EPHA2: variants seen among roughly 807,000 people sequenced by gnomAD.
The protein encoded by EPHA2 is ephrin type-A receptor 2.
Under a neutral mutation model 104.9 loss-of-function variants are expected in EPHA2, and 54 were observed. The ratio of observed to expected loss-of-function variants is 0.51; its 90% CI spans 0.41 to 0.65. The LOEUF (loss-of-function observed/expected upper bound fraction) is 0.65, where lower values mean the gene tolerates loss of function less well. EPHA2 is among the 30% of genes least tolerant of loss of function. The pLI, the probability that EPHA2 is intolerant of heterozygous loss-of-function variation, is 0.00. For missense variants in EPHA2, 1,117 were observed against 1,369.5 expected (o/e 0.82, Z 2.91); for synonymous variants, 560 against 559.1 (o/e 1.00, Z -0.02).
At chr1:16,140,334 C>T (rs763445512) in intron 3 of EPHA2, among the ~76,000 whole-genome samples, 1 of 152,224 alleles carries the variant, frequency 6.6e-6, no homozygotes, top group Non-Finnish European at 1.5e-5. Flanking sequence ...CCAGGTCATG[C>T]AGCAGGACAG....
rs768514997 is a variant in EPHA2, at chr1:16,132,380, G to A, written c.2113C>T (p.Arg705Trp). The change falls in exon 12 of 17, where the codon CGG (arginine) becomes TGG (tryptophan). Residue 705 changes from arginine (R) to tryptophan (W), a missense_variant and splice_region_variant. Coordinates refer to ENST00000358432, the MANE Select transcript of EPHA2 (RefSeq NM_004431.5). ...CCCCCTACAACCCACATCCTTACCC[G>A]AAGGAACTTGTCCAGGGCCCCATTC... ...MENGALDKFL[R>W]EKDGEFSVLQ... 3.1e-6 allele frequency: 5 copies of A among 1,614,010 alleles called. No homozygotes were observed. The highest frequency in any genetic ancestry group is 1.3e-5 in the African/African-American group (1 of 74,916).
At chr1:16,133,717 G>C in intron 9 of EPHA2, 111 bp from the exon 10 acceptor site, 1 of 1,541,332 alleles carries the variant, frequency 6.5e-7, no homozygotes, top group Non-Finnish European at 8.8e-7. Flanking sequence ...ACCAGGCTGT[G>C]GGGGACGGAC....
At chr1:16,136,766 A>AGAG (rs1215270381) in intron 5 of EPHA2, among the ~76,000 whole-genome samples, 2 of 149,886 alleles carry the variant, frequency 1.3e-5, no homozygotes, top group African/African-American at 2.5e-5. Flanking sequence ...AAGAAGAAGA[A>AGAG]GAAGAAGAAC....
chr1:16,126,620 A>G (rs987509530), intron 16 of EPHA2, among the ~76,000 whole-genome samples: 1 of 152,172 alleles, frequency 6.6e-6, no homozygotes, highest in Non-Finnish European at 1.5e-5. Context: ...AGGTGCTGAA[A>G]AAGCAGCAGT....
At chr1:16,153,672 G>A (rs1264545981) in intron 1 of EPHA2, among the ~76,000 whole-genome samples, 1 of 152,210 alleles carries the variant, frequency 6.6e-6, no homozygotes, top group East Asian at 1.9e-4. Flanking sequence ...TTCCCCATTT[G>A]TAAAAATGAG....
At position 16,125,839 on chromosome 1, in the gene EPHA2, G is replaced by A. The variant is rs541840039; in HGVS notation, c.2826-519C>T. On this transcript the variant is annotated intron_variant, in intron 16 of 16. Transcript: ENST00000358432. This position sits in a 1 kb window ranked among gnomAD's most constrained non-coding sequence, Gnocchi z 4.9. ...TTCCCAGGAACTCTCTAGGGATGTC[G>A]CTCAAAGCCTCTCTGCCCAAGGTCT... Among the ~76,000 whole-genome samples, 11 of 152,106 alleles carry A rather than the reference G, an allele frequency of 7.2e-5. No homozygotes were observed. The highest frequency in any genetic ancestry group is 2.1e-4 in the South Asian group (1 of 4,816).
At chr1:16,155,005 A>T (rs996394504) in intron 1 of EPHA2, among the ~76,000 whole-genome samples, 1 of 151,918 alleles carries the variant, frequency 6.6e-6, no homozygotes, top group African/African-American at 2.4e-5. Context: ...CCGCTGCGCC[A>T]TGAGCAAAGT....
chr1:16,135,806 A>G lies in EPHA2; in HGVS notation c.1313-36T>C. ...CAGGCAGTGGGGGAAGTGGGTAAGAAGCTGCCTACGAGCAGGCAGGGTTTG... is the reference window on the plus strand; with the variant it reads ...CAGGCAGTGGGGGAAGTGGGTAAGAGGCTGCCTACGAGCAGGCAGGGTTTG... On this transcript the variant is annotated intron_variant, in intron 5 of 16. Coordinates refer to ENST00000358432, the MANE Select transcript of EPHA2 (RefSeq NM_004431.5). The surrounding 1 kb of genome is among the most constrained non-coding windows in gnomAD (Gnocchi z 4.3). The G allele has an allele frequency of 8.8e-7, 1 of 1,132,024 alleles. No individual in the cohort carries two copies. The highest frequency in any genetic ancestry group is 1.2e-5 in the South Asian group (1 of 81,552). 70.1% of individuals were successfully genotyped at this position (1,132,024 alleles called of 1,614,324 possible). A position where few individuals can be genotyped will look rare whatever the true frequency, so the allele number is the denominator to read the frequency against.
chr1:16,138,220 C>T lies in EPHA2; in HGVS notation c.980-35G>A, dbSNP rs943803412. 22 of 1,611,716 alleles carry T rather than the reference C, an allele frequency of 1.4e-5. No individual in the cohort carries two copies. In the Admixed American group the frequency reaches 3.3e-4, roughly 24 times the overall value. ...CAGGAGGAGTCAGTGCTGTGCTGGA[C>T]CCAGGCGGACACGTCACCCTCAGTC... On this transcript the variant is annotated intron_variant, in intron 4 of 16. Coordinates refer to ENST00000358432, the MANE Select transcript of EPHA2 (RefSeq NM_004431.5).
At chr1:16,154,756 C>CAAAAAAA (rs558609049) in intron 1 of EPHA2, among the ~76,000 whole-genome samples, 1 of 66,866 alleles carries the variant, frequency 1.5e-5, no homozygotes, top group Non-Finnish European at 2.8e-5. Flanking sequence ...AACTCCGTCT[C>CAAAAAAA]AAAAAAAAAA....
rs1021408697 is a variant in EPHA2 at position 16,130,124 on chromosome 1, C to T, written c.2669+102G>A. ...ACACATAACCTCTTAGCCCCCAGCA[C>T]CCCCCCTACCAGCTTCACCTGGGTG... is the stretch of plus-strand genomic sequence containing the variant. On this transcript the variant is annotated intron_variant, in intron 15 of 16. Transcript: ENST00000358432. This position sits in a 1 kb window ranked among gnomAD's most constrained non-coding sequence, Gnocchi z 4.5. 17 of 1,494,418 alleles carry T rather than the reference C, an allele frequency of 1.1e-5. No individual in the cohort carries two copies. In the African/African-American group the frequency reaches 2.2e-4, roughly 19 times the overall value. The allele number at this position is 1,494,418 out of a possible 1,614,324, so 92.6% of individuals were successfully genotyped here. A position where few individuals can be genotyped will look rare whatever the true frequency, so the allele number is the denominator to read the frequency against.
rs1480425042 is a variant in EPHA2, at chr1:16,128,367, C to T, written c.2825+1067G>A. 6.6e-6 allele frequency among the ~76,000 whole-genome samples: 1 copy of T among 152,186 alleles called. No individual in the cohort carries two copies. Among genetic ancestry groups the T allele is most frequent in the African/African-American group, 2.4e-5 (1 of 41,446 alleles). On this transcript the variant is annotated intron_variant, in intron 16 of 16. Transcript: ENST00000358432. This position sits in a 1 kb window ranked among gnomAD's most constrained non-coding sequence, Gnocchi z 4.7. ...TCTGTTCCTGCCTGCTTCCCATCAC[C>T]GACTGTCCCCTGAGGGAGGCTATGG... is the stretch of plus-strand genomic sequence containing the variant.
intron 5 of EPHA2, among the ~76,000 whole-genome samples, chr1:16,137,403 C>A (rs1432006953): frequency 1.3e-5 from 2 of 151,864 alleles, no homozygotes; most frequent in Non-Finnish European, 2.9e-5. Context: ...TCGAGACCAG[C>A]CTGGCCGACA....
rs745854304 is a variant in EPHA2 at position 16,138,419 on chromosome 1, C to T, written c.835G>A (p.Gly279Arg). Residue 279 changes from glycine (G) to arginine (R), a missense_variant, in exon 4 of 17, where the codon GGA becomes AGA. By Grantham distance (125) the Gly-to-Arg change is moderately radical (BLOSUM62 -2). This residue lies in a region of EPHA2 where 664 missense variants were observed against 784.8 expected (regional missense o/e 0.85). Coordinates refer to ENST00000358432, the MANE Select transcript of EPHA2 (RefSeq NM_004431.5). ...TCAGATGCCTCAAACTTAAAAAATC[C>T]AGGCGAGCAGGCTGGTGGACACAGG... ...VEDACQACSP[G>R]FFKFEASESP... 1.2e-6 allele frequency: 2 copies of T among 1,613,558 alleles called. No individual in the cohort carries two copies. The highest frequency in any genetic ancestry group is 1.3e-5 in the African/African-American group (1 of 74,926).
At position 16,131,308 on chromosome 1, in the gene EPHA2, G is replaced by A. The variant is rs574968409; in HGVS notation, c.2475+413C>T. Among the ~76,000 whole-genome samples the A allele has an allele frequency of 5.9e-5, 9 of 152,234 alleles. No individual in the cohort carries two copies. The highest frequency in any genetic ancestry group is 2.1e-4 in the South Asian group (1 of 4,826). Reference sequence around the variant, plus strand: ...AAGAAATATTTACGGGGCTGGGTGCGGTGGCTTACCCCTGTAATCCCAGCA... The same window carrying A: ...AAGAAATATTTACGGGGCTGGGTGCAGTGGCTTACCCCTGTAATCCCAGCA... On this transcript the variant is annotated intron_variant, in intron 14 of 16. Transcript: ENST00000358432. The surrounding 1 kb of genome is among the most constrained non-coding windows in gnomAD (Gnocchi z 5.2).
intron 1 of EPHA2, among the ~76,000 whole-genome samples, chr1:16,154,132 C>A (rs1569621365): frequency 6.6e-6 from 1 of 152,028 alleles, no homozygotes; most frequent in Non-Finnish European, 1.5e-5. Context: ...GCAAAGCACC[C>A]GCCTAATCCC....
At chr1:16,145,130 A>G (rs2024904483) in intron 3 of EPHA2, among the ~76,000 whole-genome samples, 1 of 152,140 alleles carries the variant, frequency 6.6e-6, no homozygotes, top group South Asian at 2.1e-4. Context: ...CCACCTGCTC[A>G]CCTGACCAGC....
chr1:16,155,557 G>T, intron 1 of EPHA2: 1 of 385,902 alleles, frequency 2.6e-6, no homozygotes, highest in Middle Eastern at 6.6e-4. Flanking sequence ...GCCGGGACGC[G>T]TTCCCGAAGT....
chr1:16,144,836 G>A (rs1287863145), intron 3 of EPHA2, among the ~76,000 whole-genome samples: 3 of 152,280 alleles, frequency 2.0e-5, no homozygotes, highest in Admixed American at 6.5e-5. Context: ...CTTCCTCTCC[G>A]GACCTCAGTT....
Sources: allele counts gnomAD v4.1 joint callset (sites outside exome capture counted in the v4.1 genomes callset), GRCh38; gene constraint gnomAD v4.1.1; regional missense constraint gnomAD v4.1.1; non-coding constraint Gnocchi (gnomAD v3.1); transcripts MANE v1.5; gene names NCBI Gene and HGNC (gene_info 2026-07-23, HGNC 2026-07-21).